Variants in UIMC1 observed in about 807,000 individuals in gnomAD.
UIMC1 encodes the protein ubiquitin interaction motif containing 1.
In UIMC1, 42 loss-of-function variants were observed where a neutral mutation model predicts 84.9. That is an observed-to-expected ratio of 0.49 (90% CI 0.39 to 0.64). UIMC1 has a LOEUF of 0.64. UIMC1 is among the 30% of genes least tolerant of loss of function. The probability of loss-of-function intolerance (pLI) is 0.00; values close to 1 mark genes in which losing one functional copy is unlikely to be tolerated. For synonymous variants in UIMC1, 281 were observed against 293.0 expected (o/e 0.96, Z 0.42); for missense variants, 825 against 847.6 (o/e 0.97, Z 0.33).
At chr5:176,927,995 G>T (rs1416495694) in intron 10 of UIMC1, among the ~76,000 whole-genome samples, 1 of 151,936 alleles carries the variant, frequency 6.6e-6, no homozygotes. Context: ...GGGATTACAG[G>T]CAGGCGCCAC....
intron 9 of UIMC1, among the ~76,000 whole-genome samples, chr5:176,944,096 A>C (rs1764788300): frequency 6.6e-6 from 1 of 152,240 alleles, no homozygotes; most frequent in African/African-American, 2.4e-5. Flanking sequence ...AGTGACTTTA[A>C]GACATAAGGA....
At position 176,943,446 on chromosome 5, in the gene UIMC1, T is replaced by C. The variant is rs762367024; in HGVS notation, c.1486A>G (p.Thr496Ala). The part of the protein sequence containing the change: ...EDAEKEVAIS[T>A]FSSSNQVSCP... The stretch of plus-strand genomic sequence containing the variant: ...GATACCTGGTTACTGGATGAGAAGG[T>C]AGAAATAGCTACTTCCTTCTCAGCA... The change falls in exon 10 of 15, where the codon ACC becomes GCC. Residue 496 changes from threonine (T) to alanine (A), a missense_variant. By Grantham distance (58) the Thr-to-Ala change is moderately conservative (BLOSUM62 0). Transcript: ENST00000511320. 6.2e-7 allele frequency: 1 copy of C among 1,614,096 alleles called. No homozygotes were observed. Among genetic ancestry groups the C allele is most frequent in the South Asian group, 1.1e-5 (1 of 91,080 alleles).
intron 1 of UIMC1, among the ~76,000 whole-genome samples, chr5:177,006,112 G>A (rs995968678): frequency 6.6e-6 from 1 of 152,174 alleles, no homozygotes; most frequent in Non-Finnish European, 1.5e-5. Flanking sequence ...GCGTGAGGCG[G>A]CGCGGACCAC....
intron 2 of UIMC1, among the ~76,000 whole-genome samples, chr5:176,981,603 T>C: frequency 6.6e-6 from 1 of 151,620 alleles, no homozygotes; most frequent in Non-Finnish European, 1.5e-5. Context: ...TTTGATACCA[T>C]CCTGGGCAAC....
intron 10 of UIMC1, among the ~76,000 whole-genome samples, chr5:176,929,122 G>A (rs770433631): frequency 3.3e-5 from 5 of 151,924 alleles, no homozygotes; most frequent in South Asian, 2.1e-4. Context: ...AGGGGTGGTG[G>A]CGCGCACTTG....
chr5:176,969,773 G>A (rs1768917922), intron 4 of UIMC1, 67 bp from the exon 5 acceptor site: 2 of 1,415,442 alleles, frequency 1.4e-6, no homozygotes, highest in Non-Finnish European at 9.8e-7. Flanking sequence ...AGGGTCACAG[G>A]AAGGACAAAA....
At chr5:176,947,915 CA>C (rs111233011) in intron 9 of UIMC1, among the ~76,000 whole-genome samples, 468 of 139,934 alleles carry the variant, frequency 3.3e-3, no homozygotes, top group Admixed American at 4.0e-3. Flanking sequence ...CTTCAGACTT[CA>C]AAAAAAAAAA....
chr5:176,954,733 G>A (rs1236950804), intron 8 of UIMC1, among the ~76,000 whole-genome samples: 1 of 143,940 alleles, frequency 6.9e-6, no homozygotes, highest in African/African-American at 2.6e-5. Flanking sequence ...TCCAGCCTGG[G>A]CAAAACTCTG....
intron 10 of UIMC1, among the ~76,000 whole-genome samples, chr5:176,917,970 A>T (rs774886370): frequency 5.3e-5 from 8 of 152,162 alleles, no homozygotes; most frequent in African/African-American, 7.2e-5. Flanking sequence ...AAAAAATAAT[A>T]AAAAAAATTG....
At chr5:176,976,629 C>T (rs183787879) in intron 2 of UIMC1, among the ~76,000 whole-genome samples, 8 of 152,236 alleles carry the variant, frequency 5.3e-5, no homozygotes, top group Admixed American at 4.6e-4. Flanking sequence ...ATACACACTA[C>T]GAAATGAATG....
chr5:177,013,707 G>C (rs1775609374), intron 1 of UIMC1, among the ~76,000 whole-genome samples: 1 of 152,154 alleles, frequency 6.6e-6, no homozygotes, highest in Non-Finnish European at 1.5e-5. Flanking sequence ...TCAAACTACA[G>C]CACTTACACT....
intron 10 of UIMC1, chr5:176,919,237 C>A (rs1027539007): frequency 1.7e-5 from 6 of 354,206 alleles, no homozygotes; most frequent in Non-Finnish European, 3.3e-5. Flanking sequence ...CAAGGTTCCA[C>A]TACTGCACTC....
At chr5:176,963,157 T>TAAAAAA (rs70991588) in intron 6 of UIMC1, among the ~76,000 whole-genome samples, 1 of 13,958 alleles carries the variant, frequency 7.2e-5, no homozygotes, top group Admixed American at 5.8e-4. Flanking sequence ...AAAAATAAAT[T>TAAAAAA]AAAAAAAAAA....
Position 176,983,169 on chromosome 5 carries a change from T to C in UIMC1, c.-8-546A>G, listed in dbSNP as rs568362367. Among the ~76,000 whole-genome samples the C allele has an allele frequency of 1.1e-4, 17 of 152,062 alleles. No individual in the cohort carries two copies. In the East Asian group the frequency reaches 3.3e-3, roughly 29 times the overall value. On this transcript the variant is annotated intron_variant, in intron 1 of 14. Coordinates refer to ENST00000511320, the MANE Select transcript of UIMC1 (RefSeq NM_001199298.2). ...CTTGTAAAAGAAAAAGATAACCCTA[T>C]CTAACAGAAGCAAAACTGCATTTCT...
At chr5:176,914,064 TACCATACCACACCACACCAC>T (rs1432953493) in intron 10 of UIMC1, among the ~76,000 whole-genome samples, 1 of 122,590 alleles carries the variant, frequency 8.2e-6, no homozygotes, top group Non-Finnish European at 1.5e-5. Context: ...TACCATACCA[TACCATACCACACCACACCAC>T]ACCATACCAT....
intron 7 of UIMC1, 62 bp downstream of exon 7, chr5:176,958,031 G>A: frequency 6.5e-7 from 1 of 1,539,614 alleles, no homozygotes; most frequent in Non-Finnish European, 8.9e-7. Context: ...CACTCATGTG[G>A]TTCATCTCCC....
At chr5:176,959,930 C>A (rs1425567155) in intron 6 of UIMC1, among the ~76,000 whole-genome samples, 2 of 152,080 alleles carry the variant, frequency 1.3e-5, no homozygotes, top group Non-Finnish European at 2.9e-5. Flanking sequence ...ACTCGGGAGG[C>A]TGAGACAGGA....
intron 10 of UIMC1, among the ~76,000 whole-genome samples, chr5:176,933,640 G>A (rs1763380602): frequency 6.6e-6 from 1 of 151,714 alleles, no homozygotes. Flanking sequence ...GGGCTCAAGT[G>A]ATCTTCCCAC....
At chr5:176,966,580 A>T (rs6894285) in intron 6 of UIMC1, among the ~76,000 whole-genome samples, 1 of 152,108 alleles carries the variant, frequency 6.6e-6, no homozygotes, top group African/African-American at 2.4e-5. Flanking sequence ...TTAAAATTAC[A>T]ATTTATATAT....
Sources: allele counts gnomAD v4.1 joint callset (sites outside exome capture counted in the v4.1 genomes callset), GRCh38; gene constraint gnomAD v4.1.1; transcripts MANE v1.5; gene names NCBI Gene and HGNC (gene_info 2026-07-23, HGNC 2026-07-21).